Variants in SLC13A2 observed in about 807,000 individuals in gnomAD.
SLC13A2 encodes the protein Na(+)-coupled citrate transporter.
A neutral mutation model predicts 58.5 loss-of-function variants in SLC13A2; 40 were observed. The observed-to-expected ratio is 0.68, with a 90% CI of 0.53 to 0.89. SLC13A2 has a LOEUF of 0.89. SLC13A2 is among the 40% of genes least tolerant of loss of function. The pLI is 0.00. For missense variants in SLC13A2, 694 were observed against 772.6 expected (o/e 0.90, Z 1.21); for synonymous variants, 341 against 331.6 (o/e 1.03, Z -0.31).
At position 28,491,846 on chromosome 17, in the gene SLC13A2, G is replaced by C. The variant is rs1340795175; in HGVS notation, c.872G>C (p.Gly291Ala). ...AWLWLQILFL[G>A]FNFRKNFGIG... ...TTGTGGCTGCAGATCCTCTTCCTGG[G>C]CTTCAAGTAAGTGGCAAAGTTGGTG... The change falls in exon 6 of 12, where the codon GGC (glycine) becomes GCC (alanine). Residue 291 changes from glycine (G) to alanine (A), a missense_variant. By Grantham distance (60) the Gly-to-Ala change is moderately conservative. Transcript: ENST00000314669. The C allele has an allele frequency of 6.2e-7, 1 of 1,613,854 alleles. No individual in the cohort carries two copies. Among genetic ancestry groups the C allele is most frequent in the East Asian group, 2.2e-5 (1 of 44,878 alleles).
At chr17:28,474,481 C>T (rs2068638567) in intron 1 of SLC13A2, among the ~76,000 whole-genome samples, 1 of 152,046 alleles carries the variant, frequency 6.6e-6, no homozygotes, top group African/African-American at 2.4e-5. Flanking sequence ...AATCAAGCCG[C>T]CAATGCCTGC....
At chr17:28,474,874 G>C (rs951185950) in intron 1 of SLC13A2, among the ~76,000 whole-genome samples, 7 of 152,114 alleles carry the variant, frequency 4.6e-5, no homozygotes, top group African/African-American at 1.4e-4. Context: ...TGCCCATCAA[G>C]CCATTTTCTT....
Position 28,494,298 on chromosome 17 carries a change from C to T in SLC13A2, c.1187-93C>T, listed in dbSNP as rs1567859531. On this transcript the variant is annotated intron_variant, in intron 8 of 11. Transcript: ENST00000314669. This position sits in a 1 kb window ranked among gnomAD's most constrained non-coding sequence, Gnocchi z 4.0. ...AGGGTCCCCTCCTGCACGCGTTAAGCTCCAAAAGGGACCCACACAGGGAGC... is the reference window on the plus strand; with the variant it reads ...AGGGTCCCCTCCTGCACGCGTTAAGTTCCAAAAGGGACCCACACAGGGAGC... 5 of 1,607,668 alleles carry T rather than the reference C, an allele frequency of 3.1e-6. No homozygotes were observed. The Admixed American group carries it at 6.7e-5, about 21-fold the overall frequency.
Position 28,494,602 on chromosome 17 carries a change from A to G in SLC13A2, c.1308+90A>G. The G allele has an allele frequency of 6.4e-7, 1 of 1,570,122 alleles. No homozygotes were observed. The highest frequency in any genetic ancestry group is 1.4e-5 in the African/African-American group (1 of 73,608). The stretch of plus-strand genomic sequence containing the variant: ...GCCCTGCTTCTGTCCCACAGAGGGG[A>G]GACCTGGTCCCCACGTAGGAGCCTC... On this transcript the variant is annotated intron_variant, in intron 9 of 11. Coordinates refer to ENST00000314669, the MANE Select transcript of SLC13A2 (RefSeq NM_003984.4). This position sits in a 1 kb window ranked among gnomAD's most constrained non-coding sequence, Gnocchi z 4.0.
rs374757805 is a variant in SLC13A2 at position 28,493,545 on chromosome 17, G to A, written c.879-26G>A. On this transcript the variant is annotated intron_variant, in intron 6 of 11. Transcript: ENST00000314669. Reference sequence around the variant, plus strand: ...CTCCCTGCTGGAGCAGGCCCCCCACGAGCTGCCCCGTCCCTCTGCCTGCAG... The same window carrying A: ...CTCCCTGCTGGAGCAGGCCCCCCACAAGCTGCCCCGTCCCTCTGCCTGCAG... 161 of 1,568,612 alleles carry A rather than the reference G, an allele frequency of 1.0e-4. 2 individuals are homozygous for A. Among genetic ancestry groups the A allele is most frequent in the African/African-American group, 5.1e-4 (38 of 74,030 alleles).
rs200035236 is a variant in SLC13A2, at chr17:28,496,904, GC to G, written c.1609-191del. ...AGGGCCCTGGAAGCTCAGGAGGAGCGCCCCTTTCCCCTGTTAGCACAGGGAG... is the reference window on the plus strand; with the variant it reads ...AGGGCCCTGGAAGCTCAGGAGGAGCGCCCTTTCCCCTGTTAGCACAGGGAG... On this transcript the variant is annotated intron_variant, in intron 11 of 11. Transcript: ENST00000314669. This position sits in a 1 kb window ranked among gnomAD's most constrained non-coding sequence, Gnocchi z 4.2. Among the ~76,000 whole-genome samples the G allele has an allele frequency of 0.017, 2,593 of 152,308 alleles. 33 individuals are homozygous for G. The highest frequency in any genetic ancestry group is 0.027 in the Non-Finnish European group (1,827 of 68,028).
rs782553720 is a variant in SLC13A2 at position 28,494,353 on chromosome 17, G to T, written c.1187-38G>T. 6.2e-7 allele frequency: 1 copy of T among 1,614,148 alleles called. No individual in the cohort carries two copies. The highest frequency in any genetic ancestry group is 1.1e-5 in the South Asian group (1 of 91,058). ...AAATGGAGAGGGGAAAGGCCTGTTT[G>T]TTCTTTGGTGACCCATCCTTCTCTG... is the stretch of plus-strand genomic sequence containing the variant. On this transcript the variant is annotated intron_variant, in intron 8 of 11. Transcript: ENST00000314669. This position sits in a 1 kb window ranked among gnomAD's most constrained non-coding sequence, Gnocchi z 4.0.
At chr17:28,473,943 GC>G in intron 1 of SLC13A2, 129 bp downstream of exon 1, 1 of 746,820 alleles carries the variant, frequency 1.3e-6, no homozygotes, top group South Asian at 1.8e-5. Flanking sequence ...TGAGGCTATC[GC>G]CCCCTGCTCC....
Position 28,490,725 on chromosome 17 carries a change from C to T in SLC13A2, c.393C>T (p.Val131=). Residue 131 remains valine, a synonymous_variant, in exon 4 of 12, where the codon GTC becomes GTT. Coordinates refer to ENST00000314669, the MANE Select transcript of SLC13A2 (RefSeq NM_003984.4). The stretch of plus-strand genomic sequence containing the variant: ...GGCTAATCCTGGGCTTCATGCTGGT[C>T]ACGGCCTTCCTGTCCATGTGGATCA... ...PAPLILGFML[V]TAFLSMWISN... 1.2e-6 allele frequency: 2 copies of T among 1,613,940 alleles called. No homozygotes were observed. Among genetic ancestry groups the T allele is most frequent in the South Asian group, 1.1e-5 (1 of 91,014 alleles).
intron 1 of SLC13A2, among the ~76,000 whole-genome samples, chr17:28,480,511 G>A (rs550173675): frequency 4.6e-5 from 7 of 152,268 alleles, no homozygotes; most frequent in African/African-American, 1.7e-4. Flanking sequence ...GCAGAGTCCA[G>A]TGAACAAAAC....
Position 28,494,338 on chromosome 17 carries a change from G to C in SLC13A2, c.1187-53G>C. ...ACACAGGGAGCCCGCAAATGGAGAG[G>C]GGAAAGGCCTGTTTGTTCTTTGGTG... On this transcript the variant is annotated intron_variant, in intron 8 of 11. Transcript: ENST00000314669. This position sits in a 1 kb window ranked among gnomAD's most constrained non-coding sequence, Gnocchi z 4.0. 1 of 1,614,042 alleles carries C rather than the reference G, an allele frequency of 6.2e-7. No homozygotes were observed. Among genetic ancestry groups the C allele is most frequent in the Non-Finnish European group, 8.5e-7 (1 of 1,180,014 alleles).
intron 2 of SLC13A2, among the ~76,000 whole-genome samples, chr17:28,489,672 A>C (rs2068963283): frequency 6.6e-6 from 1 of 152,194 alleles, no homozygotes; most frequent in Non-Finnish European, 1.5e-5. Context: ...CTTGAACAGC[A>C]TCGGAGTCAC....
Position 28,496,644 on chromosome 17 carries a change from C to T in SLC13A2, c.1608+57C>T. The T allele has an allele frequency of 1.9e-6, 3 of 1,561,784 alleles. No individual in the cohort carries two copies. The highest frequency in any genetic ancestry group is 2.6e-6 in the Non-Finnish European group (3 of 1,148,664). On this transcript the variant is annotated intron_variant, in intron 11 of 11. Coordinates refer to ENST00000314669, the MANE Select transcript of SLC13A2 (RefSeq NM_003984.4). The surrounding 1 kb of genome is among the most constrained non-coding windows in gnomAD (Gnocchi z 4.2). ...CCTCCTTCCTGCTCTGACTTTTCAT[C>T]TTAGTGAACCACAAAGCAGCTTAAA...
At position 28,496,410 on chromosome 17, in the gene SLC13A2, G is replaced by A. The variant is rs782449233; in HGVS notation, c.1471-40G>A. On this transcript the variant is annotated intron_variant, in intron 10 of 11. Transcript: ENST00000314669. This position sits in a 1 kb window ranked among gnomAD's most constrained non-coding sequence, Gnocchi z 4.2. The stretch of plus-strand genomic sequence containing the variant: ...GGGCCATGCCCCTCCCTCTGGCTTG[G>A]GGACCAAGTTCAGCTCTGCGCCACT... The A allele has an allele frequency of 3.2e-6, 5 of 1,558,608 alleles. No homozygotes were observed. The East Asian group carries it at 1.2e-4, about 36-fold the overall frequency.
chr17:28,489,248 C>T lies in SLC13A2; in HGVS notation c.137C>T (p.Ala46Val), dbSNP rs148941136. 262 of 1,613,870 alleles carry T rather than the reference C, an allele frequency of 1.6e-4. No individual in the cohort carries two copies. Among genetic ancestry groups the T allele is most frequent in the Non-Finnish European group, 2.0e-4 (241 of 1,180,020 alleles). The change falls in exon 2 of 12, where the codon GCG (alanine) becomes GTG (valine). Residue 46 changes from alanine to valine, a missense_variant. By Grantham distance (64) the Ala-to-Val change is moderately conservative (BLOSUM62 0). Coordinates refer to ENST00000314669, the MANE Select transcript of SLC13A2 (RefSeq NM_003984.4). ...AYCAYAIILM[A>V]LFWCTEALPL... ...TGCGCGTATGCCATCATCCTCATGG[C>T]GCTCTTCTGGTGCACTGAGGCCCTG...
chr17:28,496,563 C>A lies in SLC13A2; in HGVS notation c.1584C>A (p.Phe528Leu), dbSNP rs782039519. ...CGCCCAATGCCATCGTCTTCTCTTT[C>A]GGGGACCTCAAAGTGTTGGATATGG... The part of the protein sequence containing the change: ...ATPPNAIVFS[F>L]GDLKVLDMAR... Residue 528 changes from phenylalanine to leucine, a missense_variant, in exon 11 of 12, where the codon TTC becomes TTA. Transcript: ENST00000314669. This position sits in a 1 kb window ranked among gnomAD's most constrained non-coding sequence, Gnocchi z 4.2. 1 of 1,613,544 alleles carries A rather than the reference C, an allele frequency of 6.2e-7. No homozygotes were observed. The highest frequency in any genetic ancestry group is 1.7e-5 in the Admixed American group (1 of 59,950).
In SLC13A2 at chr17:28,489,249, G is replaced by T. The variant is rs568920994; in HGVS notation, c.138G>T (p.Ala46=). The T allele has an allele frequency of 3.1e-6, 5 of 1,613,934 alleles. No homozygotes were observed. Among genetic ancestry groups the T allele is most frequent in the Middle Eastern group, 1.7e-4 (1 of 6,054 alleles). The change falls in exon 2 of 12, where the codon GCG becomes GCT. Residue 46 remains alanine (A), a synonymous_variant. Coordinates refer to ENST00000314669, the MANE Select transcript of SLC13A2 (RefSeq NM_003984.4). Reference sequence around the variant, plus strand: ...GCGCGTATGCCATCATCCTCATGGCGCTCTTCTGGTGCACTGAGGCCCTGC... The same window carrying T: ...GCGCGTATGCCATCATCCTCATGGCTCTCTTCTGGTGCACTGAGGCCCTGC... ...AYCAYAIILM[A]LFWCTEALPL... is the part of the protein sequence containing the mutation.
At chr17:28,486,191 A>C (rs2068877893) in intron 1 of SLC13A2, among the ~76,000 whole-genome samples, 2 of 152,250 alleles carry the variant, frequency 1.3e-5, no homozygotes, top group South Asian at 4.1e-4. Flanking sequence ...CCAAAATTTC[A>C]AAATAATGAT....
At chr17:28,480,879 T>C (rs1555601004) in intron 1 of SLC13A2, among the ~76,000 whole-genome samples, 2 of 152,096 alleles carry the variant, frequency 1.3e-5, no homozygotes, top group African/African-American at 2.4e-5. Context: ...ACCCACCAGA[T>C]TGGTGAGCTG....
Sources: allele counts gnomAD v4.1 joint callset (sites outside exome capture counted in the v4.1 genomes callset), GRCh38; gene constraint gnomAD v4.1.1; non-coding constraint Gnocchi (gnomAD v3.1); transcripts MANE v1.5; gene names NCBI Gene and HGNC (gene_info 2026-07-23, HGNC 2026-07-21).